The following TUSC3 variants were observed in gnomAD, a reference collection of about 807,000 sequenced individuals.
TUSC3 encodes the protein dolichyl-diphosphooligosaccharide--protein glycosyltransferase subunit TUSC3.
Under a neutral mutation model 44.8 loss-of-function variants are expected in TUSC3, and 45 were observed. The observed-to-expected ratio is 1.00, with a 90% CI of 0.79 to 1.29. The LOEUF (loss-of-function observed/expected upper bound fraction) is 1.29, where lower values mean the gene tolerates loss of function less well. Among genes scored for constraint, TUSC3 ranks in the 50% most tolerant of loss-of-function variants. The pLI, the probability that TUSC3 is intolerant of heterozygous loss-of-function variation, is 0.00. For missense variants in TUSC3, 519 were observed against 437.9 expected, an observed-to-expected ratio of 1.19 and a Z score of -1.65; for synonymous variants, 212 against 152.9, an observed-to-expected ratio of 1.39 and a Z score of -2.85.
rs557804884 is a variant in TUSC3, at chr8:15,730,562, A to G, written c.799-104A>G. ...TAGTAGAAAGTAATAAAAAATTAGT[A>G]AAAATCGAATTAGATTTTTCCATTG... On this transcript the variant is annotated intron_variant, in intron 6 of 10. Coordinates refer to ENST00000503731, the MANE Select transcript of TUSC3 (RefSeq NM_006765.4). 9.7e-6 allele frequency: 11 copies of G among 1,135,792 alleles called. No homozygotes were observed. The East Asian group carries it at 1.8e-4, about 19-fold the overall frequency. 70.4% of individuals were successfully genotyped at this position (1,135,792 alleles called of 1,614,324 possible). A position where few individuals can be genotyped will look rare whatever the true frequency, so the allele number is the denominator to read the frequency against.
At position 15,525,210 on chromosome 8, in the gene TUSC3, C is replaced by G. The variant is rs6987606; in HGVS notation, n.189+41727C>G. On this transcript the variant is annotated intron_variant and non_coding_transcript_variant, in intron 2 of 5. Transcript: ENST00000503191. ...TTGGCCACTTCTTGATCTCTATCCCCTTCTTTTCCTCTATACCTAAGTAAA... is the reference window on the plus strand; with the variant it reads ...TTGGCCACTTCTTGATCTCTATCCCGTTCTTTTCCTCTATACCTAAGTAAA... Among the ~76,000 whole-genome samples the G allele has an allele frequency of 9.2e-3, 1,402 of 152,318 alleles. 22 individuals carry two copies. The highest frequency in any genetic ancestry group is 0.031 in the African/African-American group (1,280 of 41,582).
intron 6 of TUSC3, among the ~76,000 whole-genome samples, chr8:15,685,754 T>A (rs1808602086): frequency 6.6e-6 from 1 of 152,178 alleles, no homozygotes; most frequent in African/African-American, 2.4e-5. Flanking sequence ...GAAATTCTGA[T>A]TCTATCTTTA....
Position 15,473,894 on chromosome 8 carries a change from C to G in TUSC3, n.92-9492C>G, listed in dbSNP as rs148175422. ...GAAAACAGGGTTTGAGAGCAGAGAA[C>G]CAATCTGATGTCAAATTTACCAGGG... On this transcript the variant is annotated intron_variant and non_coding_transcript_variant, in intron 1 of 5. Coordinates refer to the TUSC3 transcript ENST00000503191. Among the ~76,000 whole-genome samples the G allele has an allele frequency of 5.1e-3, 772 of 152,226 alleles. 6 individuals are homozygous for G. The highest frequency in any genetic ancestry group is 0.017 in the African/African-American group (707 of 41,530).
intron 2 of TUSC3, among the ~76,000 whole-genome samples, chr8:15,498,671 C>G (rs1009540913): frequency 1.3e-5 from 2 of 152,170 alleles, no homozygotes; most frequent in African/African-American, 2.4e-5. Context: ...CCTTCTTAGT[C>G]AAGCTCAGAA....
At chr8:15,748,277 T>TGTAA in intron 8 of TUSC3, 98 bp from the exon 9 acceptor site, 1 of 914,916 alleles carries the variant, frequency 1.1e-6, no homozygotes, top group Middle Eastern at 2.7e-4. Flanking sequence ...AACTGTTAAA[T>TGTAA]GTAAGTATAC....
chr8:15,641,841 G>A (rs1806387537), intron 2 of TUSC3, among the ~76,000 whole-genome samples: 1 of 152,096 alleles, frequency 6.6e-6, no homozygotes, highest in Non-Finnish European at 1.5e-5. Context: ...AAGTATTATG[G>A]TTATTTTATA....
chr8:15,542,191 G>A (rs1377413648), intron 1 of TUSC3, among the ~76,000 whole-genome samples: 1 of 151,970 alleles, frequency 6.6e-6, no homozygotes, highest in Non-Finnish European at 1.5e-5. Context: ...AGGGGGAGGG[G>A]CATCCAGGTC....
At chr8:15,703,935 T>A (rs1480580284) in intron 6 of TUSC3, among the ~76,000 whole-genome samples, 2 of 152,140 alleles carry the variant, frequency 1.3e-5, no homozygotes, top group Admixed American at 6.6e-5. Flanking sequence ...TATGCTGTCT[T>A]AAGCAGTCTG....
At chr8:15,448,117 A>ATATATATATATATT (rs1276079521) in intron 1 of TUSC3, among the ~76,000 whole-genome samples, 7 of 93,720 alleles carry the variant, frequency 7.5e-5, no homozygotes, top group Non-Finnish European at 1.1e-4. Context: ...ACATATATAT[A>ATATATATATATATT]TATTTATTTA....
At chr8:15,640,595 C>G (rs1032294494) in intron 2 of TUSC3, among the ~76,000 whole-genome samples, 1 of 152,122 alleles carries the variant, frequency 6.6e-6, no homozygotes, top group African/African-American at 2.4e-5. Flanking sequence ...TCCCCTGCCC[C>G]TAAAGAATCT....
chr8:15,566,031 C>G (rs1317977721), intron 1 of TUSC3, among the ~76,000 whole-genome samples: 5 of 152,090 alleles, frequency 3.3e-5, no homozygotes, highest in Admixed American at 2.0e-4. Context: ...TTAAACACAC[C>G]TGATTCAGAG....
At chr8:15,694,447 A>G (rs1403652823) in intron 6 of TUSC3, among the ~76,000 whole-genome samples, 1 of 151,092 alleles carries the variant, frequency 6.6e-6, no homozygotes, top group Admixed American at 6.6e-5. Context: ...AAAAAAAAAA[A>G]AAAAAAAAAA....
intron 4 of TUSC3, among the ~76,000 whole-genome samples, chr8:15,660,117 TAAC>T (rs1348426862): frequency 6.6e-6 from 1 of 152,062 alleles, no homozygotes; most frequent in Admixed American, 6.6e-5. Context: ...TAATTTAACT[TAAC>T]AATTCCGCTT....
At chr8:15,809,406 G>T in the TUSC3 span, among the ~76,000 whole-genome samples, 1 of 152,130 alleles carries the variant, frequency 6.6e-6, no homozygotes, top group Admixed American at 6.5e-5. Context: ...AATAGGTAAA[G>T]GTCCCTTAAA....
intron 6 of TUSC3, among the ~76,000 whole-genome samples, chr8:15,700,914 C>G (rs952208365): frequency 7.3e-6 from 1 of 137,644 alleles, no homozygotes; most frequent in East Asian, 2.3e-4. Context: ...CCAGTATCAT[C>G]CAGTCCAGGA....
At chr8:15,475,210 T>C (rs904243791) in intron 1 of TUSC3, among the ~76,000 whole-genome samples, 12 of 148,750 alleles carry the variant, frequency 8.1e-5, no homozygotes, top group Admixed American at 6.8e-4. Context: ...GTATATATGG[T>C]TATTAAATCC....
chr8:15,506,850 G>A (rs1316159559), intron 2 of TUSC3, among the ~76,000 whole-genome samples: 1 of 152,160 alleles, frequency 6.6e-6, no homozygotes, highest in South Asian at 2.1e-4. Context: ...CCCCTTACCC[G>A]GAAGGAAGGA....
chr8:15,513,111 C>A (rs1014745464), intron 2 of TUSC3, among the ~76,000 whole-genome samples: 4 of 150,990 alleles, frequency 2.6e-5, no homozygotes, highest in African/African-American at 9.7e-5. Flanking sequence ...ATCTAGCCAC[C>A]TAAACAGTAA....
At chr8:15,644,126 C>G (rs1485323040) in intron 2 of TUSC3, among the ~76,000 whole-genome samples, 4 of 151,986 alleles carry the variant, frequency 2.6e-5, no homozygotes, top group African/African-American at 9.7e-5. Flanking sequence ...TTTTACATAA[C>G]CTTTTAAAAA....
Sources: gnomAD v4.1 joint callset for allele counts (sites outside exome capture counted in the v4.1 genomes callset) on GRCh38, gnomAD v4.1.1 for gene constraint, MANE v1.5 for transcripts, NCBI Gene and HGNC (gene_info 2026-07-23, HGNC 2026-07-21) for gene names.